The following PTPRG variants were observed in gnomAD, a reference collection of about 807,000 sequenced individuals.
The protein encoded by PTPRG is protein tyrosine phosphatase receptor type G.
Under a neutral mutation model 165.3 loss-of-function variants are expected in PTPRG, and 102 were observed. That is an observed-to-expected ratio of 0.62 (90% CI 0.53 to 0.73). PTPRG has a LOEUF of 0.73. Ranked by LOEUF, PTPRG falls within the 30% of genes least tolerant of loss-of-function variation. The probability of loss-of-function intolerance (pLI) is 0.00; values close to 1 mark genes in which losing one functional copy is unlikely to be tolerated. For missense variants in PTPRG, 1,866 were observed against 1,861.4 expected (o/e 1.00, Z -0.05); for synonymous variants, 675 against 669.5 (o/e 1.01, Z -0.13).
chr3:61,803,492 GTT>G (rs758429791), intron 2 of PTPRG, among the ~76,000 whole-genome samples: 132 of 126,108 alleles, frequency 1.0e-3, no homozygotes, highest in Non-Finnish European at 1.8e-3. Context: ...TGTTGTCCAT[GTT>G]GTCCAACATG....
chr3:61,594,594 C>T (rs1700649092), intron 1 of PTPRG, among the ~76,000 whole-genome samples: 1 of 152,168 alleles, frequency 6.6e-6, no homozygotes, highest in Non-Finnish European at 1.5e-5. Context: ...ACACCCAGGA[C>T]TGATGATGTT....
rs528246730 is a variant in PTPRG at position 61,858,642 on chromosome 3, C to G, written c.190+109660C>G. Among the ~76,000 whole-genome samples, 6 of 152,148 alleles carry G rather than the reference C, an allele frequency of 3.9e-5. No homozygotes were observed. The South Asian group carries it at 1.2e-3, about 32-fold the overall frequency. Reference sequence around the variant, plus strand: ...AAACAAGTAAATGGATGTTTAGTCTCTATTAGTACTTAAGAAACACTATTA... The same window carrying G: ...AAACAAGTAAATGGATGTTTAGTCTGTATTAGTACTTAAGAAACACTATTA... On this transcript the variant is annotated intron_variant, in intron 2 of 29. Transcript: ENST00000474889.
intron 2 of PTPRG, among the ~76,000 whole-genome samples, chr3:61,830,935 G>GT (rs1461144680): frequency 1.3e-5 from 2 of 152,194 alleles, no homozygotes; most frequent in Non-Finnish European, 2.9e-5. Flanking sequence ...AGTGAAATTT[G>GT]TGCTTTGTTT....
intron 1 of PTPRG, among the ~76,000 whole-genome samples, chr3:61,661,304 T>C (rs770997409): frequency 1.3e-4 from 15 of 118,336 alleles, no homozygotes; most frequent in Non-Finnish European, 2.2e-4. Flanking sequence ...CATCTTACTA[T>C]TTTTATAAAA....
chr3:61,767,511 G>A (rs529529418), intron 2 of PTPRG, among the ~76,000 whole-genome samples: 1 of 152,142 alleles, frequency 6.6e-6, no homozygotes, highest in African/African-American at 2.4e-5. Flanking sequence ...TATTAAATGT[G>A]TTTAAAATAT....
At chr3:62,165,052 G>A (rs889988512) in intron 7 of PTPRG, among the ~76,000 whole-genome samples, 16 of 152,122 alleles carry the variant, frequency 1.1e-4, no homozygotes, top group African/African-American at 3.6e-4. Flanking sequence ...TTAAACTCAC[G>A]TCTCTATGGC....
At chr3:61,586,512 G>A (rs1700438825) in intron 1 of PTPRG, among the ~76,000 whole-genome samples, 1 of 152,160 alleles carries the variant, frequency 6.6e-6, no homozygotes, top group African/African-American at 2.4e-5. Flanking sequence ...AAGCTTGACT[G>A]TTCCTTCTGT....
intron 2 of PTPRG, among the ~76,000 whole-genome samples, chr3:61,824,207 A>C (rs1382122282): frequency 6.6e-6 from 1 of 152,254 alleles, no homozygotes; most frequent in Non-Finnish European, 1.5e-5. Flanking sequence ...TCCAAACCAC[A>C]CTAGACTATT....
intron 3 of PTPRG, among the ~76,000 whole-genome samples, chr3:61,991,444 G>C (rs1468760518): frequency 6.6e-6 from 1 of 152,146 alleles, no homozygotes; most frequent in Admixed American, 6.5e-5. Flanking sequence ...GACCTCAGGT[G>C]ATCTCCTCGC....
At chr3:61,890,802 A>G (rs1048917944) in intron 2 of PTPRG, among the ~76,000 whole-genome samples, 5 of 152,180 alleles carry the variant, frequency 3.3e-5, no homozygotes, top group African/African-American at 1.2e-4. Context: ...CCTGCCATTC[A>G]GCTTTTGAAA....
At chr3:61,828,128 C>T (rs2036166089) in intron 2 of PTPRG, among the ~76,000 whole-genome samples, 1 of 152,158 alleles carries the variant, frequency 6.6e-6, no homozygotes, top group Non-Finnish European at 1.5e-5. Context: ...TTTTAGTCTT[C>T]TACATGCCCT....
At chr3:61,632,058 A>G (rs1306432018) in intron 1 of PTPRG, among the ~76,000 whole-genome samples, 1 of 152,118 alleles carries the variant, frequency 6.6e-6, no homozygotes. Flanking sequence ...TAATCCTAAC[A>G]CTTTGGGAGG....
chr3:61,654,394 T>C (rs1198482940), intron 1 of PTPRG, among the ~76,000 whole-genome samples: 1 of 152,090 alleles, frequency 6.6e-6, no homozygotes, highest in African/African-American at 2.4e-5. Flanking sequence ...TTTCTTTCTT[T>C]CTTTTTTTGA....
intron 2 of PTPRG, among the ~76,000 whole-genome samples, chr3:61,825,425 A>G (rs1168988776): frequency 6.6e-6 from 1 of 152,252 alleles, no homozygotes; most frequent in African/African-American, 2.4e-5. Context: ...ACACCAGAAC[A>G]TAATACAAAG....
intron 17 of PTPRG, 149 bp from the exon 18 acceptor site, chr3:62,267,261 G>T: frequency 1.6e-6 from 1 of 607,174 alleles, no homozygotes. Flanking sequence ...GGATGGGTTT[G>T]AATGCTCTAT....
chr3:62,066,997 C>A (rs1490717514), intron 4 of PTPRG, among the ~76,000 whole-genome samples: 2 of 147,084 alleles, frequency 1.4e-5, no homozygotes, highest in Admixed American at 6.9e-5. Flanking sequence ...GAGATCACGC[C>A]ACTGCACTCC....
At chr3:61,587,310 T>G (rs1306741070) in intron 1 of PTPRG, among the ~76,000 whole-genome samples, 2 of 152,250 alleles carry the variant, frequency 1.3e-5, no homozygotes, top group African/African-American at 4.8e-5. Context: ...AGGATTTCTG[T>G]GTCCCCTTCT....
chr3:62,056,486 T>C (rs62243313), intron 4 of PTPRG, among the ~76,000 whole-genome samples: 15,637 of 152,200 alleles, frequency 0.1, 1,010 homozygotes, highest in Admixed American at 0.2. Context: ...TCTTCTTCCA[T>C]TGTGGCCTAG....
chr3:61,916,730 A>AT (rs1189076790), intron 2 of PTPRG, among the ~76,000 whole-genome samples: 3 of 152,216 alleles, frequency 2.0e-5, no homozygotes, highest in African/African-American at 7.2e-5. Flanking sequence ...GTCATGTAGC[A>AT]TATAGGAGCT....
Sources: allele counts gnomAD v4.1 joint callset (sites outside exome capture counted in the v4.1 genomes callset), GRCh38; gene constraint gnomAD v4.1.1; transcripts MANE v1.5; gene names NCBI Gene and HGNC (gene_info 2026-07-23, HGNC 2026-07-21).